SGCD: variants seen among roughly 807,000 people sequenced by gnomAD.
The protein encoded by SGCD is delta-sarcoglycan.
A neutral mutation model predicts 36.6 loss-of-function variants in SGCD; 18 were observed. The observed-to-expected ratio is 0.49, with a 90% CI of 0.34 to 0.73. The LOEUF (loss-of-function observed/expected upper bound fraction) is 0.73, where lower values mean the gene tolerates loss of function less well. Among genes scored for constraint, SGCD ranks in the 30% least tolerant of loss-of-function variants. The pLI is 0.01. For synonymous variants in SGCD, 133 were observed against 130.6 expected (o/e 1.02, Z -0.12); for missense variants, 387 against 346.7 (o/e 1.12, Z -0.92).
chr5:156,686,880 G>A (rs574690360), intron 7 of SGCD, among the ~76,000 whole-genome samples: 91 of 152,214 alleles, frequency 6.0e-4, no homozygotes, highest in African/African-American at 2.1e-3. Context: ...TTCTTTTCCC[G>A]TTGTCAGCCA....
intron 1 of SGCD, among the ~76,000 whole-genome samples, chr5:156,061,509 C>A (rs906855833): frequency 6.9e-6 from 1 of 145,834 alleles, no homozygotes; most frequent in Admixed American, 6.9e-5. Flanking sequence ...GGGTTTCTTC[C>A]TTAAAGGATG....
the SGCD span, among the ~76,000 whole-genome samples, chr5:155,737,147 AT>A: frequency 6.6e-6 from 1 of 152,178 alleles, no homozygotes; most frequent in African/African-American, 2.4e-5. Context: ...ATTGTCTCCA[AT>A]TTACTTATAA....
At chr5:156,217,443 A>T (rs1486341415) in intron 3 of SGCD, among the ~76,000 whole-genome samples, 4 of 152,190 alleles carry the variant, frequency 2.6e-5, no homozygotes, top group Non-Finnish European at 5.9e-5. Context: ...GGTAACCATC[A>T]AATCATATTT....
chr5:155,982,941 T>G (rs1758258689), intron 1 of SGCD, among the ~76,000 whole-genome samples: 1 of 152,190 alleles, frequency 6.6e-6, no homozygotes, highest in African/African-American at 2.4e-5. Flanking sequence ...ATAACCCCAG[T>G]GAAGAAAAAT....
chr5:156,440,287 A>G (rs906221528), intron 3 of SGCD, among the ~76,000 whole-genome samples: 3 of 152,080 alleles, frequency 2.0e-5, no homozygotes, highest in African/African-American at 4.8e-5. Context: ...TGTTTCATCC[A>G]TCAGTACTTT....
intron 3 of SGCD, among the ~76,000 whole-genome samples, chr5:156,506,831 T>A (rs1425865024): frequency 6.6e-6 from 1 of 152,154 alleles, no homozygotes; most frequent in Admixed American, 6.5e-5. Context: ...CTCTGTCAAT[T>A]CCTCTACAAA....
intron 3 of SGCD, among the ~76,000 whole-genome samples, chr5:156,286,688 G>T (rs1483455828): frequency 6.6e-6 from 1 of 152,104 alleles, no homozygotes; most frequent in Non-Finnish European, 1.5e-5. Context: ...TTGGGGGAGT[G>T]GGGAGGGATA....
intron 7 of SGCD, among the ~76,000 whole-genome samples, chr5:156,740,119 C>T (rs1257325969): frequency 6.6e-6 from 1 of 152,056 alleles, no homozygotes; most frequent in Non-Finnish European, 1.5e-5. Context: ...TATTAATATC[C>T]AGGCAGAAAA....
At chr5:156,074,393 A>C (rs1229410285) in intron 1 of SGCD, among the ~76,000 whole-genome samples, 1 of 152,206 alleles carries the variant, frequency 6.6e-6, no homozygotes, top group Non-Finnish European at 1.5e-5. Context: ...TCAAAAATAT[A>C]ATTCTGAAAA....
chr5:156,241,436 T>G (rs1765304037), intron 3 of SGCD, among the ~76,000 whole-genome samples: 2 of 152,204 alleles, frequency 1.3e-5, no homozygotes. Context: ...TCTCTCCTGA[T>G]GACTTTGGCA....
chr5:156,021,879 C>T (rs1283974705), intron 1 of SGCD, among the ~76,000 whole-genome samples: 2 of 152,128 alleles, frequency 1.3e-5, no homozygotes, highest in East Asian at 1.9e-4. Context: ...TATCTTTATT[C>T]AGATGTAATT....
intron 1 of SGCD, among the ~76,000 whole-genome samples, chr5:156,088,645 G>A (rs1023232412): frequency 6.6e-6 from 1 of 151,980 alleles, no homozygotes; most frequent in Non-Finnish European, 1.5e-5. Flanking sequence ...GACCACAGAT[G>A]TGCACTGCTA....
intron 3 of SGCD, among the ~76,000 whole-genome samples, chr5:156,451,951 C>T (rs756168406): frequency 1.3e-5 from 2 of 152,072 alleles, no homozygotes; most frequent in Admixed American, 6.6e-5. Flanking sequence ...TTCCAGCAAC[C>T]GTATGATACA....
At chr5:156,458,092 A>G (rs1237331997) in intron 3 of SGCD, among the ~76,000 whole-genome samples, 1 of 152,114 alleles carries the variant, frequency 6.6e-6, no homozygotes, top group Admixed American at 6.6e-5. Context: ...GTGGCCATGG[A>G]AAGAGGAGCC....
chr5:156,361,044 T>C (rs970932273), intron 3 of SGCD, among the ~76,000 whole-genome samples: 1 of 152,170 alleles, frequency 6.6e-6, no homozygotes, highest in Admixed American at 6.5e-5. Flanking sequence ...AATACTGTAA[T>C]GCTGTAAGCC....
intron 3 of SGCD, among the ~76,000 whole-genome samples, chr5:156,454,636 A>C (rs1754172549): frequency 6.6e-6 from 1 of 152,152 alleles, no homozygotes; most frequent in African/African-American, 2.4e-5. Context: ...AGTATACAAA[A>C]GGAAGAGTTC....
intron 7 of SGCD, among the ~76,000 whole-genome samples, chr5:156,726,137 CATTCTGAAATTCCTGAAAT>C (rs1755761648): frequency 1.3e-5 from 2 of 152,152 alleles, no homozygotes; most frequent in Non-Finnish European, 2.9e-5. Context: ...CGTACTGAAA[CATTCTGAAATTCCTGAAAT>C]ATTTTAGAAC....
At chr5:155,908,028 A>G (rs931332691) in intron 1 of SGCD, among the ~76,000 whole-genome samples, 12 of 152,176 alleles carry the variant, frequency 7.9e-5, no homozygotes, top group Non-Finnish European at 1.5e-4. Context: ...TCAGTCACCA[A>G]CCATCGACAT....
intron 7 of SGCD, among the ~76,000 whole-genome samples, chr5:156,701,523 C>T (rs1317829706): frequency 6.6e-6 from 1 of 152,110 alleles, no homozygotes; most frequent in Non-Finnish European, 1.5e-5. Flanking sequence ...CAGATCTTAT[C>T]AGTTCCTTGC....
Sources: gnomAD v4.1 joint callset for allele counts (sites outside exome capture counted in the v4.1 genomes callset) on GRCh38, gnomAD v4.1.1 for gene constraint, MANE v1.5 for transcripts, NCBI Gene and HGNC (gene_info 2026-07-23, HGNC 2026-07-21) for gene names.